BAZ2A: variants seen among roughly 807,000 people sequenced by gnomAD.
BAZ2A encodes the protein bromodomain adjacent to zinc finger domain protein 2A.
BAZ2A carries 34 observed loss-of-function variants against 199.9 expected under a neutral mutation model. The observed-to-expected ratio is 0.17, with a 90% CI of 0.13 to 0.23. The LOEUF is 0.23. Ranked by LOEUF, BAZ2A falls within the 10% of genes least tolerant of loss-of-function variation. The pLI, the probability that BAZ2A is intolerant of heterozygous loss-of-function variation, is 1.00. For synonymous variants in BAZ2A, 857 were observed against 883.9 expected, an observed-to-expected ratio of 0.97 and a Z score of 0.54; for missense variants, 2,002 against 2,391.1, an observed-to-expected ratio of 0.84 and a Z score of 3.39.
intron 1 of BAZ2A, among the ~76,000 whole-genome samples, chr12:56,620,070 A>T (rs1950864458): frequency 6.6e-6 from 1 of 152,074 alleles, no homozygotes; most frequent in South Asian, 2.1e-4. Context: ...TCTTTAGTCT[A>T]AATAGGGGTG....
chr12:56,617,946 T>C (rs187209976), intron 1 of BAZ2A, among the ~76,000 whole-genome samples: 4 of 152,340 alleles, frequency 2.6e-5, no homozygotes, highest in Admixed American at 2.6e-4. Context: ...CCACAAAAGG[T>C]TCTCAAAGCC....
chr12:56,600,545 AG>A lies in BAZ2A; in HGVS notation c.4603-56del. The A allele has an allele frequency of 1.9e-6, 3 of 1,571,260 alleles. No individual in the cohort carries two copies. The South Asian group carries it at 3.5e-5, about 18-fold the overall frequency. On this transcript the variant is annotated intron_variant, in intron 23 of 28. Coordinates refer to ENST00000549884, the MANE Select transcript of BAZ2A (RefSeq NM_001300905.2). ...CTGTAAAAGGAGGAAAATTTGGCAT[AG>A]GAAAAAAAAAAACAAAAACAAGACC...
rs1036842093 is a variant in BAZ2A at position 56,603,426 on chromosome 12, G to T, written c.3220-8C>A. 1.2e-6 allele frequency: 2 copies of T among 1,613,976 alleles called. No individual in the cohort carries two copies. Among genetic ancestry groups the T allele is most frequent in the Non-Finnish European group, 1.7e-6 (2 of 1,179,872 alleles). On this transcript the variant is annotated splice_region_variant and splice_polypyrimidine_tract_variant and intron_variant, in intron 17 of 28. Transcript: ENST00000549884. ...AGATGCTGTGGCATCAACCTAGGGA[G>T]AAACACATGGGCATTATGAAAAAGG...
At chr12:56,608,870 T>TC (rs1230484448) in intron 10 of BAZ2A, among the ~76,000 whole-genome samples, 1 of 120,866 alleles carries the variant, frequency 8.3e-6, no homozygotes, top group Non-Finnish European at 1.6e-5. Context: ...TGCCTGGCTT[T>TC]TTTTTTTTTT....
exon 1 of BAZ2A, chr12:56,636,305 C>T: frequency 6.8e-7 from 1 of 1,472,516 alleles, no homozygotes; most frequent in Non-Finnish European, 9.1e-7. Flanking sequence ...TAGCAAGAAT[C>T]AAAAAGCCAG....
intron 1 of BAZ2A, among the ~76,000 whole-genome samples, chr12:56,629,437 C>T (rs1191139563): frequency 6.6e-6 from 1 of 152,172 alleles, no homozygotes. Context: ...AGGAATTCCT[C>T]TTTATTCTTC....
chr12:56,630,759 G>A (rs1951286996), upstream of BAZ2A: 9 of 984,410 alleles, frequency 9.1e-6, no homozygotes, highest in Non-Finnish European at 1.1e-5. Context: ...AGAGGCAAGA[G>A]TCAGCCACCC....
Position 56,596,238 on chromosome 12 carries a change from A to C in BAZ2A, c.*2380T>G, listed in dbSNP as rs1885816605. Reference sequence around the variant, plus strand: ...TGGTTTCTTCCTGTCAACCAGACTGATGGGAGGGAAGCAAAAGGGCAGGGG... The same window carrying C: ...TGGTTTCTTCCTGTCAACCAGACTGCTGGGAGGGAAGCAAAAGGGCAGGGG... On this transcript the variant is annotated 3_prime_UTR_variant, in exon 29 of 29. Coordinates refer to ENST00000549884, the MANE Select transcript of BAZ2A (RefSeq NM_001300905.2). The C allele has an allele frequency of 6.5e-6, 1 of 152,748 alleles. No individual in the cohort carries two copies. The allele number at this position is 152,748 out of a possible 1,614,324, so 9.5% of individuals were successfully genotyped here.
rs1004091127 is a variant in BAZ2A, at chr12:56,635,650, T to A, written c.4+532A>T. On this transcript the variant is annotated intron_variant, in intron 1 of 29. Coordinates refer to the BAZ2A transcript ENST00000379441. The surrounding 1 kb of genome is among the most constrained non-coding windows in gnomAD (Gnocchi z 4.1). ...CCATGAGAATCGACTTTGGTTCAGT[T>A]TTCCCCCAACCACCACCACCCTTGC... Among the ~76,000 whole-genome samples, 5 of 152,144 alleles carry A rather than the reference T, an allele frequency of 3.3e-5. No homozygotes were observed. The South Asian group carries it at 1.0e-3, about 32-fold the overall frequency.
Position 56,611,889 on chromosome 12 carries a change from G to C in BAZ2A, c.1493C>G (p.Ser498Cys), listed in dbSNP as rs762450030. ...GGCTGTTGGAAAGGCAGCTGCTGGG[G>C]AAGTTACGGGAGAGGCTTTTGGGGA... ...VTSPKASPVT[S>C]PAAAFPTASP... Residue 498 changes from serine to cysteine, a missense_variant, in exon 6 of 29, where the codon TCC (serine) becomes TGC (cysteine). Ser to Cys is a moderately radical substitution (Grantham distance 112). Coordinates refer to ENST00000549884, the MANE Select transcript of BAZ2A (RefSeq NM_001300905.2). 1 of 1,606,582 alleles carries C rather than the reference G, an allele frequency of 6.2e-7. No individual in the cohort carries two copies. The highest frequency in any genetic ancestry group is 1.1e-5 in the South Asian group (1 of 90,222).
intron 1 of BAZ2A, 73 bp from the exon 2 acceptor site, chr12:56,617,605 G>A: frequency 6.8e-7 from 1 of 1,472,394 alleles, no homozygotes; most frequent in East Asian, 2.5e-5. Context: ...AATCTTCCAG[G>A]GGCAATGACC....
At chr12:56,610,379 A>C (rs752491724) in intron 8 of BAZ2A, 30 bp downstream of exon 8, 2 of 1,608,448 alleles carry the variant, frequency 1.2e-6, no homozygotes, top group South Asian at 2.2e-5. Context: ...TGAGCCCAAG[A>C]AAGCAGTCCT....
intron 18 of BAZ2A, 52 bp from the exon 19 acceptor site, chr12:56,602,909 T>G: frequency 6.4e-7 from 1 of 1,551,752 alleles, no homozygotes; most frequent in South Asian, 1.2e-5. Context: ...AGAGTGACAG[T>G]GGTGAATTCA....
chr12:56,617,515 G>T lies in BAZ2A; in HGVS notation c.16C>A (p.His6Asn). 6.2e-7 allele frequency: 1 copy of T among 1,607,946 alleles called. No homozygotes were observed. Among genetic ancestry groups the T allele is most frequent in the Admixed American group, 1.7e-5 (1 of 59,072 alleles). Residue 6 changes from histidine (H) to asparagine (N), a missense_variant, in exon 2 of 29, where the codon CAT (histidine) becomes AAT (asparagine). Around this residue, in one of 6 missense-constraint regions of BAZ2A, gnomAD observed 641 missense variants for 694.5 expected, o/e 0.92. Coordinates refer to ENST00000549884, the MANE Select transcript of BAZ2A (RefSeq NM_001300905.2). Reference sequence around the variant, plus strand: ...GGGGGAAGGCCAGTAAAGTTAAAATGGTCGTTTGCCTCCATTTCTGCAGGA... The same window carrying T: ...GGGGGAAGGCCAGTAAAGTTAAAATTGTCGTTTGCCTCCATTTCTGCAGGA... MEAND[H>N]FNFTGLPPAP... is the part of the protein sequence containing the mutation.
chr12:56,595,782 A>G lies in BAZ2A; in HGVS notation c.*2836T>C, dbSNP rs1885727276. On this transcript the variant is annotated 3_prime_UTR_variant, in exon 29 of 29. Coordinates refer to ENST00000549884, the MANE Select transcript of BAZ2A (RefSeq NM_001300905.2). ...AGCCAGACATTTAGGCAGGAGCACT[A>G]ATGACCCTTTCCATCCACACAGAGG... 6.6e-6 allele frequency: 1 copy of G among 152,484 alleles called. No homozygotes were observed. Among genetic ancestry groups the G allele is most frequent in the African/African-American group, 2.4e-5 (1 of 41,354 alleles). The allele number at this position is 152,484 out of a possible 1,614,324, so 9.4% of individuals were successfully genotyped here.
At chr12:56,599,667 G>A (rs763645367) in intron 26 of BAZ2A, 35 bp downstream of exon 26, 2 of 1,611,994 alleles carry the variant, frequency 1.2e-6, no homozygotes, top group Non-Finnish European at 1.7e-6. Flanking sequence ...TCTGATTTCT[G>A]TTTGAGTGTG....
chr12:56,631,911 C>T (rs1419253054), upstream of BAZ2A, among the ~76,000 whole-genome samples: 1 of 152,138 alleles, frequency 6.6e-6, no homozygotes, highest in Non-Finnish European at 1.5e-5. Flanking sequence ...CTCCACCCCC[C>T]CACTACAAAT....
chr12:56,636,282 G>T, exon 1 of BAZ2A: 4 of 1,539,098 alleles, frequency 2.6e-6, no homozygotes, highest in Non-Finnish European at 3.5e-6. Flanking sequence ...CTCCCAAACT[G>T]TGAGCTGGGA....
chr12:56,623,022 G>C (rs955994960), intron 1 of BAZ2A, among the ~76,000 whole-genome samples: 1 of 152,026 alleles, frequency 6.6e-6, no homozygotes, highest in Admixed American at 6.5e-5. Flanking sequence ...GGATCACGAG[G>C]TCAAGAGATC....
Sources: allele counts gnomAD v4.1 joint callset (sites outside exome capture counted in the v4.1 genomes callset), GRCh38; gene constraint gnomAD v4.1.1; regional missense constraint gnomAD v4.1.1; non-coding constraint Gnocchi (gnomAD v3.1); transcripts MANE v1.5; gene names NCBI Gene and HGNC (gene_info 2026-07-23, HGNC 2026-07-21).